ADAMTSL3: variants seen among roughly 807,000 people sequenced by gnomAD.
ADAMTSL3 encodes the protein ADAMTS-like protein 3.
A neutral mutation model predicts 201.7 loss-of-function variants in ADAMTSL3; 128 were observed. The observed-to-expected ratio is 0.63, with a 90% CI of 0.55 to 0.73. The LOEUF is 0.73. ADAMTSL3 is among the 30% of genes least tolerant of loss of function. The probability of loss-of-function intolerance (pLI) is 0.00; values close to 1 mark genes in which losing one functional copy is unlikely to be tolerated. For missense variants in ADAMTSL3, 1,990 were observed against 2,119.6 expected (o/e 0.94, Z 1.20); for synonymous variants, 738 against 748.4 (o/e 0.99, Z 0.23).
At chr15:83,776,211 G>T (rs964386427) in intron 4 of ADAMTSL3, among the ~76,000 whole-genome samples, 1 of 152,108 alleles carries the variant, frequency 6.6e-6, no homozygotes, top group Admixed American at 6.6e-5. Flanking sequence ...CTCCTTGATG[G>T]TGCAGAATGA....
At chr15:83,941,339 TTAA>T (rs2066556535) in intron 17 of ADAMTSL3, among the ~76,000 whole-genome samples, 1 of 152,020 alleles carries the variant, frequency 6.6e-6, no homozygotes, top group South Asian at 2.1e-4. Flanking sequence ...TAAATACTAA[TTAA>T]TTTTTTCAGA....
chr15:83,802,058 G>A (rs926461497), intron 4 of ADAMTSL3, among the ~76,000 whole-genome samples: 4 of 152,062 alleles, frequency 2.6e-5, no homozygotes, highest in Admixed American at 1.3e-4. Context: ...GGTCAATGAA[G>A]TGTGTTTACA....
At chr15:83,723,995 TC>T (rs1457231315) in intron 3 of ADAMTSL3, among the ~76,000 whole-genome samples, 42 of 152,220 alleles carry the variant, frequency 2.8e-4, no homozygotes, top group African/African-American at 8.7e-4. Flanking sequence ...GGAATGGACA[TC>T]CAAGGCTCAA....
chr15:83,782,679 A>G (rs1451993782), intron 4 of ADAMTSL3, among the ~76,000 whole-genome samples: 1 of 152,150 alleles, frequency 6.6e-6, no homozygotes, highest in Non-Finnish European at 1.5e-5. Flanking sequence ...CTATGAGAAC[A>G]CATGGACACA....
chr15:83,897,519 G>A (rs1404497520), intron 13 of ADAMTSL3, among the ~76,000 whole-genome samples: 1 of 152,112 alleles, frequency 6.6e-6, no homozygotes, highest in Non-Finnish European at 1.5e-5. Flanking sequence ...ATTTTGGGTA[G>A]GGTCATGTAA....
rs560178297 is a variant in ADAMTSL3 at position 83,680,455 on chromosome 15, G to A, written c.70-23934G>A. 2.5e-4 allele frequency among the ~76,000 whole-genome samples: 38 copies of A among 149,576 alleles called. No individual in the cohort carries two copies. The South Asian group carries it at 6.3e-3, about 25-fold the overall frequency. ...CCTTTTTGTAATCTTTGATAATTTC[G>A]ATACTTTTACTAAGATATGACTAGG... On this transcript the variant is annotated intron_variant, in intron 2 of 29. Coordinates refer to ENST00000286744, the MANE Select transcript of ADAMTSL3 (RefSeq NM_207517.3).
intron 3 of ADAMTSL3, among the ~76,000 whole-genome samples, chr15:83,714,874 C>T (rs1477536252): frequency 3.1e-4 from 4 of 13,068 alleles, no homozygotes; most frequent in Admixed American, 2.3e-3. Flanking sequence ...CCCTCCCTCC[C>T]TCCCTTCCTT....
intron 9 of ADAMTSL3, 82 bp downstream of exon 9, chr15:83,871,041 G>A: frequency 6.7e-7 from 1 of 1,490,086 alleles, no homozygotes; most frequent in Non-Finnish European, 9.1e-7. Flanking sequence ...TGTTTAGCAA[G>A]AGGTCATCAA....
intron 3 of ADAMTSL3, among the ~76,000 whole-genome samples, chr15:83,728,719 G>A (rs1017393763): frequency 1.3e-5 from 2 of 151,860 alleles, no homozygotes; most frequent in Admixed American, 1.3e-4. Flanking sequence ...GTCCTGAAAA[G>A]TTGTAGTTAT....
chr15:84,025,265 C>T lies in ADAMTSL3; in HGVS notation c.4485C>T (p.Cys1495=). ...ARWFTSVWSQ[C]SVSCGEGYHS... ...GGTTCACAAGTGTGTGGTCACAGTG[C>T]TCTGTGTCTTGCGGTGAAGGATACC... The change falls in exon 27 of 30, where the codon TGC becomes TGT. Residue 1495 remains cysteine (C), a synonymous_variant. Coordinates refer to ENST00000286744, the MANE Select transcript of ADAMTSL3 (RefSeq NM_207517.3). 1 of 1,611,444 alleles carries T rather than the reference C, an allele frequency of 6.2e-7. No homozygotes were observed. Among genetic ancestry groups the T allele is most frequent in the Non-Finnish European group, 8.5e-7 (1 of 1,178,678 alleles).
intron 6 of ADAMTSL3, among the ~76,000 whole-genome samples, chr15:83,824,573 C>T (rs888574962): frequency 2.0e-5 from 3 of 152,106 alleles, no homozygotes; most frequent in Admixed American, 1.3e-4. Flanking sequence ...GACATGTATC[C>T]ACTATTATAG....
chr15:83,784,914 AACTT>A (rs951419051), intron 4 of ADAMTSL3, among the ~76,000 whole-genome samples: 2 of 152,038 alleles, frequency 1.3e-5, no homozygotes, highest in African/African-American at 4.8e-5. Flanking sequence ...GCATGGTTGA[AACTT>A]AATTGTGTGT....
chr15:83,670,291 A>G (rs1046969771), intron 2 of ADAMTSL3, among the ~76,000 whole-genome samples: 1 of 151,620 alleles, frequency 6.6e-6, no homozygotes, highest in African/African-American at 2.4e-5. Context: ...AAAGAACAGA[A>G]AAAGAAAGAT....
intron 19 of ADAMTSL3, among the ~76,000 whole-genome samples, chr15:83,951,229 G>A (rs931441252): frequency 6.6e-6 from 1 of 151,792 alleles, no homozygotes; most frequent in Non-Finnish European, 1.5e-5. Flanking sequence ...GTCATGAAGG[G>A]ATGTTAAATT....
intron 4 of ADAMTSL3, among the ~76,000 whole-genome samples, chr15:83,778,767 A>G (rs2063120300): frequency 6.6e-6 from 1 of 152,224 alleles, no homozygotes; most frequent in South Asian, 2.1e-4. Flanking sequence ...GTACATATCA[A>G]TACTAACCTT....
At chr15:83,924,085 C>T (rs746044027) in intron 17 of ADAMTSL3, 52 bp downstream of exon 17, 10 of 1,599,106 alleles carry the variant, frequency 6.3e-6, no homozygotes, top group South Asian at 1.1e-5. Flanking sequence ...TGGTAACACC[C>T]TCCCTGCAGA....
chr15:83,929,749 CAGAG>C (rs763103696), intron 17 of ADAMTSL3, among the ~76,000 whole-genome samples: 2 of 149,838 alleles, frequency 1.3e-5, no homozygotes, highest in African/African-American at 4.9e-5. Context: ...CACACACACA[CAGAG>C]AGACAGAGAG....
chr15:84,025,623 T>G (rs2068292123), intron 27 of ADAMTSL3, 187 bp downstream of exon 27: 1 of 597,158 alleles, frequency 1.7e-6, no homozygotes, highest in Non-Finnish European at 2.8e-6. Flanking sequence ...TGTCTTCCAG[T>G]ACAAAAGTGA....
At chr15:83,960,360 C>T (rs1414620662) in intron 19 of ADAMTSL3, among the ~76,000 whole-genome samples, 3 of 152,084 alleles carry the variant, frequency 2.0e-5, no homozygotes, top group Non-Finnish European at 4.4e-5. Flanking sequence ...AAATCTGGAC[C>T]AGAATGAGGG....
Sources: gnomAD v4.1 joint callset for allele counts (sites outside exome capture counted in the v4.1 genomes callset) on GRCh38, gnomAD v4.1.1 for gene constraint, MANE v1.5 for transcripts, NCBI Gene and HGNC (gene_info 2026-07-23, HGNC 2026-07-21) for gene names.